THSD7B: variants seen among roughly 807,000 people sequenced by gnomAD.
THSD7B encodes thrombospondin type 1 domain containing 7B.
A neutral mutation model predicts 213.6 loss-of-function variants in THSD7B; 138 were observed. That is an observed-to-expected ratio of 0.65 (90% CI 0.56 to 0.74). The LOEUF (loss-of-function observed/expected upper bound fraction) is 0.74, where lower values mean the gene tolerates loss of function less well. Ranked by LOEUF, THSD7B falls within the 30% of genes least tolerant of loss-of-function variation. The pLI is 0.00. For synonymous variants in THSD7B, 742 were observed against 687.0 expected, an observed-to-expected ratio of 1.08 and a Z score of -1.25; for missense variants, 1,931 against 1,991.5, an observed-to-expected ratio of 0.97 and a Z score of 0.58.
intron 7 of THSD7B, among the ~76,000 whole-genome samples, chr2:137,214,945 A>G (rs1398312380): frequency 6.6e-6 from 1 of 152,200 alleles, no homozygotes; most frequent in Non-Finnish European, 1.5e-5. Context: ...TTGGGTATAT[A>G]CCCAGTAATG....
intron 7 of THSD7B, among the ~76,000 whole-genome samples, chr2:137,228,283 A>C (rs189168146): frequency 2.0e-5 from 3 of 152,090 alleles, no homozygotes; most frequent in African/African-American, 7.2e-5. Context: ...CCAAACTACC[A>C]AAAGGTTGGT....
At position 137,480,401 on chromosome 2, in the gene THSD7B, A is replaced by G. The variant is rs562186106; in HGVS notation, c.3138+29378A>G. Among the ~76,000 whole-genome samples the G allele has an allele frequency of 5.3e-5, 8 of 152,358 alleles. No homozygotes were observed. The East Asian group carries it at 1.2e-3, about 22-fold the overall frequency. Reference sequence around the variant, plus strand: ...TACAAAACATTTGTGGTCGAGTTATAAAGTTTTGAAAAACTCATTTTGATT... The same window carrying G: ...TACAAAACATTTGTGGTCGAGTTATGAAGTTTTGAAAAACTCATTTTGATT... On this transcript the variant is annotated intron_variant, in intron 15 of 27. Coordinates refer to ENST00000409968, the MANE Select transcript of THSD7B (RefSeq NM_001316349.2).
chr2:137,563,486 G>A, intron 16 of THSD7B, 132 bp downstream of exon 16: 1 of 1,228,174 alleles, frequency 8.1e-7, no homozygotes, highest in East Asian at 2.6e-5. Context: ...TCTCATCTTT[G>A]AAATATTCAT....
chr2:137,538,765 G>A (rs1026827142), intron 15 of THSD7B, among the ~76,000 whole-genome samples: 2 of 151,626 alleles, frequency 1.3e-5, no homozygotes, highest in Admixed American at 6.6e-5. Flanking sequence ...CTTATTTTAC[G>A]ATAGGAAGAA....
intron 2 of THSD7B, among the ~76,000 whole-genome samples, chr2:137,023,711 T>G (rs1028939771): frequency 5.3e-5 from 8 of 152,110 alleles, no homozygotes; most frequent in Non-Finnish European, 1.2e-4. Flanking sequence ...AGTCCTCAGA[T>G]AGAGTTATCA....
chr2:137,119,219 G>T (rs1688499383), intron 5 of THSD7B, among the ~76,000 whole-genome samples: 1 of 152,168 alleles, frequency 6.6e-6, no homozygotes, highest in Non-Finnish European at 1.5e-5. Context: ...TCATTAATTT[G>T]ATTTTGAATA....
intron 2 of THSD7B, among the ~76,000 whole-genome samples, chr2:137,025,730 C>T (rs60277345): frequency 0.071 from 10,851 of 152,120 alleles, 416 homozygotes; most frequent in East Asian, 0.14. Context: ...ATACATATCA[C>T]TTCTGTTCAG....
chr2:137,512,519 G>A (rs1029393281), intron 15 of THSD7B, among the ~76,000 whole-genome samples: 4 of 149,356 alleles, frequency 2.7e-5, no homozygotes, highest in African/African-American at 9.9e-5. Flanking sequence ...AGCCTCCCGA[G>A]CAACTGTGAC....
chr2:137,071,457 G>A (rs1687486922), intron 3 of THSD7B, among the ~76,000 whole-genome samples: 1 of 152,016 alleles, frequency 6.6e-6, no homozygotes, highest in East Asian at 1.9e-4. Context: ...CTGGATATTA[G>A]CCCTTTGTCA....
chr2:137,002,134 T>A (rs1686011335), intron 2 of THSD7B, among the ~76,000 whole-genome samples: 1 of 152,124 alleles, frequency 6.6e-6, no homozygotes. Context: ...TTTTTTGCAT[T>A]GCCTAATATT....
chr2:137,085,571 G>A (rs1687822776), intron 3 of THSD7B, among the ~76,000 whole-genome samples: 1 of 151,698 alleles, frequency 6.6e-6, no homozygotes, highest in South Asian at 2.1e-4. Flanking sequence ...ACTAATTTAG[G>A]GTAAATTACT....
At chr2:137,000,170 G>T (rs1166812274) in intron 2 of THSD7B, among the ~76,000 whole-genome samples, 2 of 152,096 alleles carry the variant, frequency 1.3e-5, no homozygotes, top group East Asian at 3.8e-4. Flanking sequence ...AAGTTCAGTT[G>T]CTATTATGCT....
chr2:137,620,575 C>A (rs1385312690), intron 19 of THSD7B, 34 bp from the exon 20 acceptor site: 1 of 1,535,842 alleles, frequency 6.5e-7, no homozygotes, highest in Admixed American at 1.7e-5. Flanking sequence ...AGAGTGATTT[C>A]TCCAATAAAG....
At chr2:137,549,942 T>G (rs1253780026) in intron 15 of THSD7B, among the ~76,000 whole-genome samples, 4 of 152,080 alleles carry the variant, frequency 2.6e-5, no homozygotes, top group Admixed American at 2.6e-4. Flanking sequence ...TGAACTTGAC[T>G]GATAACTACA....
intron 12 of THSD7B, among the ~76,000 whole-genome samples, chr2:137,283,455 G>C (rs1197582850): frequency 3.9e-5 from 6 of 152,156 alleles, no homozygotes; most frequent in Non-Finnish European, 8.8e-5. Context: ...AGTGGTGAGA[G>C]AGGGCATCCC....
intron 26 of THSD7B, 62 bp downstream of exon 26, chr2:137,663,637 C>A: frequency 7.1e-7 from 1 of 1,403,432 alleles, no homozygotes; most frequent in South Asian, 1.4e-5. Flanking sequence ...ATTTTGACCA[C>A]TTCTCATGAT....
Position 137,655,497 on chromosome 2 carries a change from A to G in THSD7B, c.3946-4A>G, listed in dbSNP as rs1408139763. On this transcript the variant is annotated splice_polypyrimidine_tract_variant and splice_region_variant and intron_variant, in intron 21 of 27. Transcript: ENST00000409968. ...AATTGTGAAAGTATCCTTTCCTCTC[A>G]TAGGGTGGAGACTGTGGGGAAGGAG... The G allele has an allele frequency of 6.2e-7, 1 of 1,608,624 alleles. No homozygotes were observed. Among genetic ancestry groups the G allele is most frequent in the Admixed American group, 1.7e-5 (1 of 59,350 alleles).
At chr2:136,821,088 A>G (rs1682557225) in intron 1 of THSD7B, among the ~76,000 whole-genome samples, 1 of 152,224 alleles carries the variant, frequency 6.6e-6, no homozygotes, top group South Asian at 2.1e-4. Context: ...CTCATTGAAT[A>G]TTCTTGCAAC....
At chr2:137,333,474 C>T (rs1453297) in intron 12 of THSD7B, among the ~76,000 whole-genome samples, 85,237 of 152,046 alleles carry the variant, frequency 0.56, 26,964 homozygotes, top group East Asian at 0.78. Context: ...TCCTTTCCTC[C>T]CTCAATCCAG....
Sources: gnomAD v4.1 joint callset for allele counts (sites outside exome capture counted in the v4.1 genomes callset) on GRCh38, gnomAD v4.1.1 for gene constraint, MANE v1.5 for transcripts, NCBI Gene and HGNC (gene_info 2026-07-23, HGNC 2026-07-21) for gene names.